Variants in RTEL1 observed in about 807,000 individuals in gnomAD.
RTEL1 encodes the protein regulator of telomere elongation helicase 1.
RTEL1 carries 86 observed loss-of-function variants against 162.2 expected under a neutral mutation model. The observed-to-expected ratio is 0.53, with a 90% CI of 0.45 to 0.63. The LOEUF is 0.63. RTEL1 is among the 30% of genes least tolerant of loss of function. The probability of loss-of-function intolerance (pLI) is 0.00; values close to 1 mark genes in which losing one functional copy is unlikely to be tolerated. For synonymous variants in RTEL1, 958 were observed against 717.9 expected, an observed-to-expected ratio of 1.33 and a Z score of -5.35; for missense variants, 1,941 against 1,750.2, an observed-to-expected ratio of 1.11 and a Z score of -1.95.
chr20:63,689,199 C>A, intron 22 of RTEL1, 67 bp downstream of exon 22: 1 of 1,470,656 alleles, frequency 6.8e-7, no homozygotes, highest in South Asian at 1.1e-5. Flanking sequence ...TATGGCTCCC[C>A]AGCAGACTCT....
At chr20:63,662,918 G>A (rs768909786) in intron 6 of RTEL1, 29 bp downstream of exon 6, 4 of 1,605,432 alleles carry the variant, frequency 2.5e-6, no homozygotes, top group South Asian at 1.1e-5. Context: ...GACCAGGGTC[G>A]GGTTGGAGTG....
intron 22 of RTEL1, 65 bp from the exon 23 acceptor site, chr20:63,689,437 C>A: frequency 6.9e-7 from 1 of 1,456,242 alleles, no homozygotes; most frequent in South Asian, 1.4e-5. Context: ...GGTGGCTGGG[C>A]TGGGTGTGGG....
rs780938637 is a variant in RTEL1, at chr20:63,694,732, C to G, written c.3110-9C>G. 3 of 1,592,652 alleles carry G rather than the reference C, an allele frequency of 1.9e-6. No individual in the cohort carries two copies. Among genetic ancestry groups the G allele is most frequent in the Non-Finnish European group, 1.7e-6 (2 of 1,169,302 alleles). The stretch of plus-strand genomic sequence containing the variant: ...AGCGCCACTCTGAGCCATGCTACTC[C>G]CACACCAGGAGACCCTGGCAGCCAA... On this transcript the variant is annotated splice_polypyrimidine_tract_variant and intron_variant, in intron 31 of 34. Transcript: ENST00000360203.
intron 14 of RTEL1, among the ~76,000 whole-genome samples, chr20:63,683,332 G>C (rs917085935): frequency 6.6e-6 from 1 of 152,238 alleles, no homozygotes; most frequent in African/African-American, 2.4e-5. Context: ...GCAGCCACCA[G>C]CGTGGGGGTG....
intron 6 of RTEL1, among the ~76,000 whole-genome samples, chr20:63,663,327 A>T (rs1271669961): frequency 3.3e-5 from 5 of 152,068 alleles, no homozygotes. Context: ...GCCTCCCGCG[A>T]CCCTGCCCCG....
chr20:63,692,081 G>A (rs1050389062), intron 28 of RTEL1: 2 of 486,796 alleles, frequency 4.1e-6, no homozygotes, highest in Non-Finnish European at 7.5e-6. Context: ...GGGGCCTGCA[G>A]CACTGGGCTT....
rs1447538895 is a variant in RTEL1 at position 63,662,561 on chromosome 20, G to A, written c.411G>A (p.Val137=). The part of the protein sequence containing the change: ...RNTSYRPKVC[V]LGSREQLCIH... ...CTCCCACCAGGCCTAAGGTGTGTGT[G>A]CTGGGCTCCCGGGAGCAGCTGTGCA... The change falls in exon 5 of 35, where the codon GTG becomes GTA. Residue 137 remains valine, a synonymous_variant. Transcript: ENST00000360203. 1 of 1,614,118 alleles carries A rather than the reference G, an allele frequency of 6.2e-7. No homozygotes were observed. The highest frequency in any genetic ancestry group is 8.5e-7 in the Non-Finnish European group (1 of 1,180,034).
rs750909543 is a variant in RTEL1, at chr20:63,678,202, G to GCCTCCTTGCAGCTGGGTGGGGCCT, written c.958+29_959-33dup. The GCCTCCTTGCAGCTGGGTGGGGCCT allele has an allele frequency of 6.2e-7, 1 of 1,613,532 alleles. No individual in the cohort carries two copies. Among genetic ancestry groups the GCCTCCTTGCAGCTGGGTGGGGCCT allele is most frequent in the East Asian group, 2.2e-5 (1 of 44,852 alleles). On this transcript the variant is annotated intron_variant, in intron 11 of 34. Transcript: ENST00000360203. Reference sequence around the variant, plus strand: ...CTGAAGAGTAAGTGTTGCCCTCCCCGCCTCCTTGCAGCTGGGTGGGGCCTC... The same window carrying GCCTCCTTGCAGCTGGGTGGGGCCT: ...CTGAAGAGTAAGTGTTGCCCTCCCCGCCTCCTTGCAGCTGGGTGGGGCCTCCTCCTTGCAGCTGGGTGGGGCCTC...
At chr20:63,684,046 C>CTTG (rs3838001) in intron 14 of RTEL1, among the ~76,000 whole-genome samples, 117,373 of 151,636 alleles carry the variant, frequency 0.77, 46,199 homozygotes, top group African/African-American at 0.84. Flanking sequence ...CACATGTTTC[C>CTTG]TTGTCAGATT....
At chr20:63,667,047 G>T (rs958592749) in intron 7 of RTEL1, among the ~76,000 whole-genome samples, 16 of 151,622 alleles carry the variant, frequency 1.1e-4, no homozygotes, top group Admixed American at 1.3e-4. Flanking sequence ...CACCGTGTTA[G>T]CCAGGATGGT....
At chr20:63,690,762 G>T (rs1351224957) in intron 26 of RTEL1, 43 bp from the exon 27 acceptor site, 1 of 1,556,132 alleles carries the variant, frequency 6.4e-7, no homozygotes. Context: ...ACCCCAGCTG[G>T]GGCCCCCCGT....
At chr20:63,669,274 A>C (rs988228470) in intron 8 of RTEL1, among the ~76,000 whole-genome samples, 2 of 152,158 alleles carry the variant, frequency 1.3e-5, no homozygotes, top group Non-Finnish European at 2.9e-5. Flanking sequence ...GTGAATCTTA[A>C]CTCTTGTTTT....
rs777844293 is a variant in RTEL1, at chr20:63,690,333, C to T, written c.2305C>T (p.Arg769Cys). The T allele has an allele frequency of 2.8e-5, 45 of 1,610,296 alleles. No homozygotes were observed. Among genetic ancestry groups the T allele is most frequent in the South Asian group, 1.8e-4 (16 of 90,964 alleles). Residue 769 changes from arginine to cysteine, a missense_variant, in exon 26 of 35, where the codon CGT becomes TGT. By Grantham distance (180) the Arg-to-Cys change is radical. Coordinates refer to ENST00000360203, the MANE Select transcript of RTEL1 (RefSeq NM_001283009.2). ...CCCCCGGGCTACAGCACCCAGTGTGCGTGGAGAAGATGCTGTCAGCGAGGC... is the reference window on the plus strand; with the variant it reads ...CCCCCGGGCTACAGCACCCAGTGTGTGTGGAGAAGATGCTGTCAGCGAGGC... ...PAPRATAPSV[R>C]GEDAVSEAKS...
chr20:63,671,574 T>C (rs903404573), intron 8 of RTEL1, among the ~76,000 whole-genome samples: 2 of 151,472 alleles, frequency 1.3e-5, no homozygotes, highest in East Asian at 2.0e-4. Flanking sequence ...CTCTGCCTCC[T>C]GGGTTCACGC....
chr20:63,661,138 T>G lies in RTEL1; in HGVS notation c.103-160T>G, dbSNP rs2090011745. On this transcript the variant is annotated intron_variant, in intron 2 of 34. Coordinates refer to ENST00000360203, the MANE Select transcript of RTEL1 (RefSeq NM_001283009.2). This position sits in a 1 kb window ranked among gnomAD's most constrained non-coding sequence, Gnocchi z 5.1. ...CTTTAGGGCAAGAGTGGGACTTGCCTGTGGACTTCTCCGCGGTCCCACAGG... is the reference window on the plus strand; with the variant it reads ...CTTTAGGGCAAGAGTGGGACTTGCCGGTGGACTTCTCCGCGGTCCCACAGG... 6.6e-6 allele frequency among the ~76,000 whole-genome samples: 1 copy of G among 152,246 alleles called. No homozygotes were observed. Among genetic ancestry groups the G allele is most frequent in the Admixed American group, 6.5e-5 (1 of 15,286 alleles).
chr20:63,680,596 AGGGCCGGGGCTG>A (rs1427037907), intron 13 of RTEL1, 56 bp from the exon 14 acceptor site: 29 of 1,551,790 alleles, frequency 1.9e-5, no homozygotes, highest in Non-Finnish European at 2.3e-5. Flanking sequence ...TCATGCTGGA[AGGGCCGGGGCTG>A]GGGTCGGGGC....
At chr20:63,666,511 CTCT>C (rs2090130718) in intron 7 of RTEL1, among the ~76,000 whole-genome samples, 1 of 152,184 alleles carries the variant, frequency 6.6e-6, no homozygotes, top group African/African-American at 2.4e-5. Flanking sequence ...TATAATAAAG[CTCT>C]TCTTATATTG....
intron 30 of RTEL1, among the ~76,000 whole-genome samples, chr20:63,693,537 ACCACCACCACCACCACCTCCACCT>A (rs1568720701): frequency 1.2e-4 from 2 of 16,416 alleles, no homozygotes; most frequent in Non-Finnish European, 1.2e-4. Flanking sequence ...CTCCACCACC[ACCACCACCACCACCACCTCCACCT>A]CCACCACCTC....
Position 63,690,824 on chromosome 20 carries a change from C to T in RTEL1, c.2433C>T (p.Asp811=), listed in dbSNP as rs1310993798. The change falls in exon 27 of 35, where the codon GAC becomes GAT. Residue 811 remains aspartate, a synonymous_variant. Transcript: ENST00000360203. ...QRSSGSPAAG[D]PESSLCVEYE... is the part of the protein sequence containing the mutation. ...CTGCAGGGTCACCAGCTGCCGGGGACCCCGAGAGTAGCCTGTGTGTGGAGT... is the reference window on the plus strand; with the variant it reads ...CTGCAGGGTCACCAGCTGCCGGGGATCCCGAGAGTAGCCTGTGTGTGGAGT... 2.5e-6 allele frequency: 4 copies of T among 1,605,004 alleles called. No individual in the cohort carries two copies. Among genetic ancestry groups the T allele is most frequent in the Non-Finnish European group, 1.7e-6 (2 of 1,177,664 alleles).
Sources: allele counts gnomAD v4.1 joint callset (sites outside exome capture counted in the v4.1 genomes callset), GRCh38; gene constraint gnomAD v4.1.1; non-coding constraint Gnocchi (gnomAD v3.1); transcripts MANE v1.5; gene names NCBI Gene and HGNC (gene_info 2026-07-23, HGNC 2026-07-21).